The following AZIN2 variants were observed in gnomAD, a reference collection of about 807,000 sequenced individuals.
AZIN2 encodes antizyme inhibitor 2.
AZIN2 carries 28 observed loss-of-function variants against 47.8 expected under a neutral mutation model. The observed-to-expected ratio is 0.59, with a 90% confidence interval of 0.43 to 0.80. AZIN2 has a LOEUF of 0.80. AZIN2 is among the 30% of genes least tolerant of loss of function. The pLI, the probability that AZIN2 is intolerant of heterozygous loss-of-function variation, is 0.00. For synonymous variants in AZIN2, 221 were observed against 239.4 expected, an observed-to-expected ratio of 0.92 and a Z score of 0.71; for missense variants, 535 against 582.5, an observed-to-expected ratio of 0.92 and a Z score of 0.84.
rs667572 is a variant in AZIN2, at chr1:33,121,420, A to G, written c.*1238A>G. Among the ~76,000 whole-genome samples, 40,835 of 151,840 alleles carry G rather than the reference A, an allele frequency of 0.27. 5,584 individuals are homozygous for G. Among genetic ancestry groups the G allele is most frequent in the Admixed American group, 0.33 (5,034 of 15,270 alleles). On this transcript the variant is annotated 3_prime_UTR_variant, in exon 12 of 12. Transcript: ENST00000294517. ...TCTACTAAAAATACAAAAATTAGCCAGGTGTGGTGGTATGTGCCTGTAATT... is the reference window on the plus strand; with the variant it reads ...TCTACTAAAAATACAAAAATTAGCCGGGTGTGGTGGTATGTGCCTGTAATT...
At chr1:33,082,624 G>A in intron 4 of AZIN2, 1 of 349,720 alleles carries the variant, frequency 2.9e-6, no homozygotes, top group Non-Finnish European at 5.3e-6. Context: ...CCACATCTAG[G>A]CATTACCAAG....
chr1:33,127,719 A>G (rs1447679526), downstream of AZIN2, among the ~76,000 whole-genome samples: 1 of 152,222 alleles, frequency 6.6e-6, no homozygotes, highest in African/African-American at 2.4e-5. Flanking sequence ...TCAACCATCA[A>G]TTTCATATGC....
At chr1:33,112,260 C>T (rs996861474) in intron 10 of AZIN2, among the ~76,000 whole-genome samples, 1 of 152,110 alleles carries the variant, frequency 6.6e-6, no homozygotes, top group Non-Finnish European at 1.5e-5. Flanking sequence ...CAGCAAGTTC[C>T]TAGGCCTATA....
At chr1:33,127,447 C>G (rs962760812), downstream of AZIN2, among the ~76,000 whole-genome samples, 2 of 152,272 alleles carry the variant, frequency 1.3e-5, no homozygotes, top group African/African-American at 4.8e-5. Context: ...CGGAGAGGCG[C>G]AGCTCAGTCT....
intron 5 of AZIN2, among the ~76,000 whole-genome samples, chr1:33,084,557 T>C (rs1245267245): frequency 2.0e-5 from 3 of 152,158 alleles, no homozygotes; most frequent in Non-Finnish European, 4.4e-5. Context: ...TCTAATTTGA[T>C]TTCTGCTGTT....
the AZIN2 span, chr1:33,165,250 A>G: frequency 2.1e-6 from 1 of 481,516 alleles, no homozygotes. This position sits in a 1 kb window ranked among gnomAD's most constrained non-coding sequence, Gnocchi z 4.0. Context: ...ACCAGCCCAC[A>G]TCCTTGCCGC....
At chr1:33,136,182 C>T in the AZIN2 span, among the ~76,000 whole-genome samples, 1 of 149,260 alleles carries the variant, frequency 6.7e-6, no homozygotes, top group African/African-American at 2.5e-5. Flanking sequence ...TTCCCTCCCT[C>T]TCTCCCTCCC....
At chr1:33,157,542 T>TGA in the AZIN2 span, among the ~76,000 whole-genome samples, 1,269 of 152,272 alleles carry the variant, frequency 8.3e-3, 17 homozygotes, top group African/African-American at 0.029. Flanking sequence ...GATTTACTTT[T>TGA]GTCTACTTTC....
chr1:33,135,263 G>C, the AZIN2 span, among the ~76,000 whole-genome samples: 41 of 152,284 alleles, frequency 2.7e-4, no homozygotes, highest in South Asian at 4.6e-3. Context: ...ACTCCTGCCT[G>C]GGTGACAGAG....
chr1:33,148,683 T>C, the AZIN2 span, among the ~76,000 whole-genome samples: 1 of 152,222 alleles, frequency 6.6e-6, no homozygotes, highest in African/African-American at 2.4e-5. Flanking sequence ...TATGTACATA[T>C]ACACACACAA....
At chr1:33,100,330 A>G (rs1643577204) in intron 10 of AZIN2, among the ~76,000 whole-genome samples, 1 of 152,046 alleles carries the variant, frequency 6.6e-6, no homozygotes, top group Non-Finnish European at 1.5e-5. Flanking sequence ...CAAAAAAAAA[A>G]AAAAGAAAGA....
At chr1:33,118,445 C>T (rs892672538) in intron 11 of AZIN2, 1 of 230,702 alleles carries the variant, frequency 4.3e-6, no homozygotes, top group Non-Finnish European at 8.4e-6. Context: ...GGTAGGACTT[C>T]CCAGAAGAAA....
chr1:33,152,482 G>A, the AZIN2 span, among the ~76,000 whole-genome samples: 3,542 of 151,792 alleles, frequency 0.023, 111 homozygotes, highest in African/African-American at 0.08. Flanking sequence ...CAGGAGAATC[G>A]CTTGAATCTG....
chr1:33,161,989 C>T, the AZIN2 span, among the ~76,000 whole-genome samples: 1 of 152,154 alleles, frequency 6.6e-6, no homozygotes, highest in South Asian at 2.1e-4. This position sits in a 1 kb window ranked among gnomAD's most constrained non-coding sequence, Gnocchi z 4.3. Context: ...ATATAGATGG[C>T]CTTGCCTGTC....
At chr1:33,128,403 T>G (rs1035694616), downstream of AZIN2, among the ~76,000 whole-genome samples, 1 of 151,956 alleles carries the variant, frequency 6.6e-6, no homozygotes, top group Non-Finnish European at 1.5e-5. Flanking sequence ...TTAACGTATT[T>G]AAAGCACTCA....
chr1:33,095,013 G>A (rs922709065), intron 8 of AZIN2, among the ~76,000 whole-genome samples: 4 of 152,192 alleles, frequency 2.6e-5, no homozygotes, highest in Non-Finnish European at 2.9e-5. Flanking sequence ...TTTAAGGGGC[G>A]GGATAGGCCT....
At chr1:33,089,900 T>C (rs577382328) in intron 5 of AZIN2, among the ~76,000 whole-genome samples, 1 of 152,348 alleles carries the variant, frequency 6.6e-6, no homozygotes, top group East Asian at 1.9e-4. Flanking sequence ...GGCTCTCTCT[T>C]CTCTTGTTTA....
chr1:33,102,766 C>T (rs1407155584), intron 10 of AZIN2, among the ~76,000 whole-genome samples: 1 of 152,156 alleles, frequency 6.6e-6, no homozygotes. Flanking sequence ...TATCCTGGAT[C>T]ACACCCCTGA....
the AZIN2 span, among the ~76,000 whole-genome samples, chr1:33,133,657 T>C: frequency 1.3e-5 from 2 of 152,130 alleles, no homozygotes; most frequent in East Asian, 3.9e-4. Flanking sequence ...GCCACCCACG[T>C]CTGGCCAAAG....
Sources: gnomAD v4.1 joint callset for allele counts (sites outside exome capture counted in the v4.1 genomes callset) on GRCh38, gnomAD v4.1.1 for gene constraint, Gnocchi (gnomAD v3.1) non-coding constraint, MANE v1.5 for transcripts, NCBI Gene and HGNC (gene_info 2026-07-23, HGNC 2026-07-21) for gene names.